The following FAM117A variants were observed in gnomAD, a reference collection of about 807,000 sequenced individuals.
FAM117A encodes the protein protein FAM117A.
Under a neutral mutation model 44.1 loss-of-function variants are expected in FAM117A, and 21 were observed. That is an observed-to-expected ratio of 0.48 (90% CI 0.34 to 0.69). The LOEUF (loss-of-function observed/expected upper bound fraction) is 0.69. Among genes scored for constraint, FAM117A ranks in the 30% least tolerant of loss-of-function variants. The pLI, the probability that FAM117A is intolerant of heterozygous loss-of-function variation, is 0.01. For synonymous variants in FAM117A, 220 were observed against 238.3 expected, an observed-to-expected ratio of 0.92 and a Z score of 0.71; for missense variants, 498 against 589.9, an observed-to-expected ratio of 0.84 and a Z score of 1.61.
In FAM117A at chr17:49,735,403, CACTAACAAT is replaced by C. The variant is rs1227456974; in HGVS notation, c.197-2692_197-2684del. Among the ~76,000 whole-genome samples the C allele has an allele frequency of 2.6e-5, 4 of 151,580 alleles. No homozygotes were observed. In the South Asian group the frequency reaches 8.3e-4, roughly 32 times the overall value. ...AGACTCCGTCTCAAAAAAAAAAAGA[CACTAACAAT>C]ACTACCTCCACTCTCCAAATTCACT... On this transcript the variant is annotated intron_variant, in intron 1 of 7. Transcript: ENST00000240364.
upstream of FAM117A, among the ~76,000 whole-genome samples, chr17:49,766,030 C>T (rs532621384): frequency 5.3e-5 from 8 of 152,280 alleles, no homozygotes; most frequent in African/African-American, 9.6e-5. Flanking sequence ...ATGGTAGCAA[C>T]GAATATTCAT....
intron 1 of FAM117A, among the ~76,000 whole-genome samples, chr17:49,735,669 T>G (rs2073607593): frequency 6.6e-6 from 1 of 152,218 alleles, no homozygotes; most frequent in South Asian, 2.1e-4. Context: ...CTCACTGTGT[T>G]GCCCAGGCTG....
chr17:49,759,507 A>G (rs1464526105), intron 1 of FAM117A, among the ~76,000 whole-genome samples: 2 of 152,248 alleles, frequency 1.3e-5, no homozygotes, highest in Admixed American at 6.5e-5. Context: ...GGGGAATTGT[A>G]GCTCTTAAAG....
chr17:49,740,305 T>C (rs1431232722), intron 1 of FAM117A, among the ~76,000 whole-genome samples: 1 of 151,782 alleles, frequency 6.6e-6, no homozygotes, highest in Non-Finnish European at 1.5e-5. Context: ...TGGAGTGCAG[T>C]GGCGCGATCT....
rs780033747 is a variant in FAM117A at position 49,711,275 on chromosome 17, G to A, written c.1342C>T (p.Gln448Ter). ...GACCCTCAGACCATCAGGGAGCTCT[G>A]GAAAAGCACAGGCTCTTCTGATGGT... ...TPPSEEPVLFQSSLMV is the reference protein window; with the variant it reads ...TPPSEEPVLF The change falls in exon 8 of 8, where the codon CAG becomes TAG. Residue 448 changes from glutamine (Q) to a stop codon, truncating the protein, a stop_gained. Coordinates refer to ENST00000240364, the MANE Select transcript of FAM117A (RefSeq NM_030802.4). LOFTEE classifies it high-confidence loss of function. 5 of 1,606,328 alleles carry A rather than the reference G, an allele frequency of 3.1e-6. No homozygotes were observed. Among genetic ancestry groups the A allele is most frequent in the Non-Finnish European group, 4.3e-6 (5 of 1,175,388 alleles).
chr17:49,743,871 C>T (rs774281986), intron 1 of FAM117A, among the ~76,000 whole-genome samples: 9 of 151,834 alleles, frequency 5.9e-5, no homozygotes, highest in Non-Finnish European at 1.2e-4. Context: ...GTTGAGGCTG[C>T]AGTGAGCTAT....
intron 1 of FAM117A, among the ~76,000 whole-genome samples, chr17:49,772,192 C>A (rs939225168): frequency 6.6e-6 from 1 of 151,804 alleles, no homozygotes; most frequent in Non-Finnish European, 1.5e-5. Context: ...ATTTGGGAGG[C>A]TGAGGTGGGA....
chr17:49,759,992 A>G (rs1273631713), intron 1 of FAM117A, among the ~76,000 whole-genome samples: 2 of 152,222 alleles, frequency 1.3e-5, no homozygotes, highest in Non-Finnish European at 2.9e-5. Flanking sequence ...AAATGTGTTC[A>G]CCGCAGTTTT....
intron 6 of FAM117A, 72 bp from the exon 7 acceptor site, chr17:49,716,387 G>C: frequency 7.4e-7 from 1 of 1,351,870 alleles, no homozygotes; most frequent in Non-Finnish European, 9.9e-7. Context: ...CCAGGACTGA[G>C]GTGTAAAGTG....
Position 49,711,204 on chromosome 17 carries a change from C to A in FAM117A, c.*51G>T, listed in dbSNP as rs540295715. The A allele has an allele frequency of 2.6e-5, 39 of 1,516,770 alleles. No homozygotes were observed. The Admixed American group carries it at 3.8e-4, about 15-fold the overall frequency. 94.0% of individuals were successfully genotyped at this position (1,516,770 alleles called of 1,614,324 possible). On this transcript the variant is annotated 3_prime_UTR_variant, in exon 8 of 8. Transcript: ENST00000240364. Reference sequence around the variant, plus strand: ...CATCTCAGGGGACCTGGGGAGGGACCTGCCACCAAGGCACTGGTCTCTATG... The same window carrying A: ...CATCTCAGGGGACCTGGGGAGGGACATGCCACCAAGGCACTGGTCTCTATG...
At chr17:49,727,242 C>T (rs901095732) in intron 2 of FAM117A, among the ~76,000 whole-genome samples, 8 of 151,718 alleles carry the variant, frequency 5.3e-5, no homozygotes, top group African/African-American at 1.9e-4. Flanking sequence ...TCCGTCTCTA[C>T]TAAAAATACA....
chr17:49,763,597 C>T (rs1285411925), intron 1 of FAM117A, among the ~76,000 whole-genome samples: 1 of 151,694 alleles, frequency 6.6e-6, no homozygotes, highest in Non-Finnish European at 1.5e-5. Context: ...ACTCACCCCA[C>T]ACGACACCTC....
chr17:49,761,688 G>GA (rs1322628375), intron 1 of FAM117A, among the ~76,000 whole-genome samples: 3 of 152,050 alleles, frequency 2.0e-5, no homozygotes, highest in East Asian at 1.9e-4. Flanking sequence ...TACTGTCCTA[G>GA]AAAAAACCAC....
chr17:49,717,823 A>G, intron 5 of FAM117A, 109 bp from the exon 6 acceptor site: 2 of 868,898 alleles, frequency 2.3e-6, no homozygotes, highest in Non-Finnish European at 1.8e-6. Flanking sequence ...TATCCATGAC[A>G]CACAACCACA....
chr17:49,774,033 C>T (rs1044030936), intron 1 of FAM117A, among the ~76,000 whole-genome samples: 10 of 152,192 alleles, frequency 6.6e-5, no homozygotes, highest in South Asian at 2.1e-4. Context: ...GGATTACAGG[C>T]GTGAGCCACT....
intron 1 of FAM117A, among the ~76,000 whole-genome samples, chr17:49,774,356 G>C (rs1489887980): frequency 8.5e-6 from 1 of 118,186 alleles, no homozygotes; most frequent in Admixed American, 1.1e-4. Flanking sequence ...ATACTGCCCA[G>C]GCTGGTCTTT....
At position 49,778,361 on chromosome 17, in the gene FAM117A, CCA is replaced by C. The variant is rs2073780637; in HGVS notation, c.-621+10134_-621+10135del. Among the ~76,000 whole-genome samples the C allele has an allele frequency of 2.6e-5, 4 of 152,094 alleles. 1 individual carries two copies. Among genetic ancestry groups the C allele is most frequent in the Admixed American group, 2.6e-4 (4 of 15,292 alleles). On this transcript the variant is annotated intron_variant, in intron 1 of 7. Coordinates refer to the FAM117A transcript ENST00000513602. ...ACACATGGTCCCTCCTCTGGAGAAT[CCA>C]CAGTCTGTTTTTTAAAAAATGACCC... is the stretch of plus-strand genomic sequence containing the variant.
chr17:49,725,566 G>A (rs913927471), intron 2 of FAM117A, among the ~76,000 whole-genome samples: 9 of 152,218 alleles, frequency 5.9e-5, no homozygotes, highest in African/African-American at 9.7e-5. Context: ...GGAAGTGAGG[G>A]AGTGAGTCAT....
At chr17:49,723,736 C>T (rs1293788936) in intron 2 of FAM117A, among the ~76,000 whole-genome samples, 1 of 152,064 alleles carries the variant, frequency 6.6e-6, no homozygotes, top group Non-Finnish European at 1.5e-5. Context: ...TCTGAGCAAG[C>T]TTGTGAGAGC....
Sources: allele counts gnomAD v4.1 joint callset (sites outside exome capture counted in the v4.1 genomes callset), GRCh38; gene constraint gnomAD v4.1.1; transcripts MANE v1.5; gene names NCBI Gene and HGNC (gene_info 2026-07-23, HGNC 2026-07-21).